The following CDKAL1 variants were observed in gnomAD, a reference collection of about 807,000 sequenced individuals.
The protein encoded by CDKAL1 is CDKAL1 threonylcarbamoyladenosine tRNA methylthiotransferase.
In CDKAL1, 32 loss-of-function variants were observed where a neutral mutation model predicts 68.2. The observed-to-expected ratio is 0.47, with a 90% CI of 0.35 to 0.63. CDKAL1 has a LOEUF of 0.63. CDKAL1 is among the 30% of genes least tolerant of loss of function. The probability of loss-of-function intolerance (pLI) is 0.00; values close to 1 mark genes in which losing one functional copy is unlikely to be tolerated. For synonymous variants in CDKAL1, 234 were observed against 244.3 expected (o/e 0.96, Z 0.39); for missense variants, 606 against 696.7 (o/e 0.87, Z 1.47).
At chr6:20,649,481 A>T (rs951155351) in intron 5 of CDKAL1, 104 bp downstream of exon 5, 42 of 615,136 alleles carry the variant, frequency 6.8e-5, no homozygotes, top group Middle Eastern at 4.3e-4. Context: ...AGTTTATATT[A>T]AAAAAGTATG....
Position 20,575,499 on chromosome 6 carries a change from T to C in CDKAL1, c.286+26794T>C, listed in dbSNP as rs1021630434. 2.0e-5 allele frequency among the ~76,000 whole-genome samples: 3 copies of C among 150,948 alleles called. No individual in the cohort carries two copies. The East Asian group carries it at 5.8e-4, about 29-fold the overall frequency. On this transcript the variant is annotated intron_variant, in intron 4 of 15. Transcript: ENST00000274695. ...GCTTTTAGAAGGGAAAAAGTATCCA[T>C]TTAATTTTATAACATAGCCACAGAA...
chr6:20,712,532 G>A (rs1771894894), intron 5 of CDKAL1, among the ~76,000 whole-genome samples: 1 of 149,838 alleles, frequency 6.7e-6, no homozygotes. Flanking sequence ...GAAATGAAAA[G>A]AAAAGAAAAT....
chr6:20,653,490 C>T (rs1398707258), intron 5 of CDKAL1, among the ~76,000 whole-genome samples: 2 of 152,240 alleles, frequency 1.3e-5, no homozygotes, highest in Admixed American at 1.3e-4. Flanking sequence ...CTCACCCTGT[C>T]GCCCAGGCTG....
At chr6:21,093,392 G>A (rs1773145292) in intron 12 of CDKAL1, among the ~76,000 whole-genome samples, 1 of 152,176 alleles carries the variant, frequency 6.6e-6, no homozygotes, top group African/African-American at 2.4e-5. Context: ...GAAAACAAGA[G>A]AGTAAGCTAA....
At chr6:20,758,791 T>C in intron 7 of CDKAL1, 148 bp downstream of exon 7, 1 of 621,258 alleles carries the variant, frequency 1.6e-6, no homozygotes, top group South Asian at 2.7e-5. Context: ...CTTCATGAAT[T>C]TGCCAGTCTA....
chr6:20,860,022 C>A (rs1329868229), intron 9 of CDKAL1, among the ~76,000 whole-genome samples: 2 of 152,086 alleles, frequency 1.3e-5, no homozygotes, highest in African/African-American at 2.4e-5. Flanking sequence ...AACATTTTTT[C>A]TCTTATTCTC....
intron 9 of CDKAL1, among the ~76,000 whole-genome samples, chr6:20,929,232 A>G (rs1033664321): frequency 6.6e-6 from 1 of 152,204 alleles, no homozygotes; most frequent in Non-Finnish European, 1.5e-5. Flanking sequence ...GTGCCAAGAG[A>G]TGACTTAAAT....
intron 4 of CDKAL1, among the ~76,000 whole-genome samples, chr6:20,578,660 G>A (rs1180000184): frequency 6.6e-6 from 1 of 152,188 alleles, no homozygotes; most frequent in Non-Finnish European, 1.5e-5. Flanking sequence ...CCTACGCTCA[G>A]TGCTTTACAC....
intron 9 of CDKAL1, among the ~76,000 whole-genome samples, chr6:20,866,940 G>A (rs768895316): frequency 2.0e-5 from 3 of 152,064 alleles, no homozygotes; most frequent in Non-Finnish European, 2.9e-5. Flanking sequence ...TATTCCTTTT[G>A]CACTAAGCTA....
At chr6:20,559,452 G>A (rs984343104) in intron 4 of CDKAL1, 2 of 152,142 alleles carry the variant, frequency 1.3e-5, no homozygotes, top group Non-Finnish European at 2.9e-5. Flanking sequence ...ATAAGTTCTT[G>A]TTCTCAATTT....
intron 8 of CDKAL1, among the ~76,000 whole-genome samples, chr6:20,791,673 CTG>C (rs1775904501): frequency 6.6e-6 from 1 of 152,096 alleles, no homozygotes; most frequent in African/African-American, 2.4e-5. Context: ...AGAATTTCTG[CTG>C]TGTATCTATG....
At chr6:20,641,470 T>C (rs998548208) in intron 4 of CDKAL1, among the ~76,000 whole-genome samples, 5 of 152,216 alleles carry the variant, frequency 3.3e-5, no homozygotes, top group African/African-American at 1.2e-4. Context: ...AATACAATAT[T>C]GGAGCCCACT....
intron 8 of CDKAL1, among the ~76,000 whole-genome samples, chr6:20,807,618 T>A (rs1446558471): frequency 2.0e-5 from 3 of 152,142 alleles, no homozygotes; most frequent in Non-Finnish European, 4.4e-5. Context: ...TGATAATATT[T>A]CCTAATAAAA....
At chr6:21,198,948 C>T (rs1778578476) in intron 14 of CDKAL1, among the ~76,000 whole-genome samples, 1 of 152,358 alleles carries the variant, frequency 6.6e-6, no homozygotes, top group African/African-American at 2.4e-5. Flanking sequence ...GCCCTCCTCT[C>T]CCATCTTATG....
intron 4 of CDKAL1, among the ~76,000 whole-genome samples, chr6:20,640,673 A>G (rs4710938): frequency 0.42 from 64,251 of 152,074 alleles, 13,892 homozygotes; most frequent in Middle Eastern, 0.53. Context: ...TTTAGTTTTT[A>G]GATATTGTCT....
intron 9 of CDKAL1, among the ~76,000 whole-genome samples, chr6:20,896,103 C>CTTTTTTTT (rs777787310): frequency 4.4e-5 from 4 of 90,148 alleles, no homozygotes; most frequent in Non-Finnish European, 4.3e-5. Context: ...CTTTTCTTTT[C>CTTTTTTTT]TTTTTTTTTT....
chr6:20,559,219 AT>A (rs1764176839), intron 4 of CDKAL1: 1 of 152,156 alleles, frequency 6.6e-6, no homozygotes, highest in South Asian at 2.1e-4. Flanking sequence ...CAACCTTAAA[AT>A]TTTTTTAAGC....
At chr6:20,645,775 TTTTA>T (rs893554259) in intron 4 of CDKAL1, among the ~76,000 whole-genome samples, 15 of 137,032 alleles carry the variant, frequency 1.1e-4, no homozygotes, top group African/African-American at 3.3e-4. Context: ...AATAATTTTA[TTTTA>T]TTTATTTATT....
intron 9 of CDKAL1, among the ~76,000 whole-genome samples, chr6:20,904,293 TG>T (rs1762137685): frequency 6.6e-6 from 1 of 152,100 alleles, no homozygotes. Context: ...CCCAACACTT[TG>T]GGAGGCCAAG....
Sources: allele counts gnomAD v4.1 joint callset (sites outside exome capture counted in the v4.1 genomes callset), GRCh38; gene constraint gnomAD v4.1.1; transcripts MANE v1.5; gene names NCBI Gene and HGNC (gene_info 2026-07-23, HGNC 2026-07-21).